CTNNBL1: variants seen among roughly 807,000 people sequenced by gnomAD.
CTNNBL1 encodes catenin beta like 1.
Under a neutral mutation model 72.7 loss-of-function variants are expected in CTNNBL1, and 31 were observed. That is an observed-to-expected ratio of 0.43 (90% CI 0.32 to 0.58). The LOEUF is 0.58. Ranked by LOEUF, CTNNBL1 falls within the 20% of genes least tolerant of loss-of-function variation. The probability of loss-of-function intolerance (pLI) is 0.08; values close to 1 mark genes in which losing one functional copy is unlikely to be tolerated. For missense variants in CTNNBL1, 534 were observed against 725.1 expected (o/e 0.74, Z 3.03); for synonymous variants, 240 against 267.3 (o/e 0.90, Z 1.00).
intron 9 of CTNNBL1, 34 bp from the exon 10 acceptor site, chr20:37,779,153 T>C (rs1027343997): frequency 1.2e-6 from 2 of 1,608,036 alleles, no homozygotes; most frequent in Non-Finnish European, 8.5e-7. Flanking sequence ...CATTCTCTTA[T>C]AGCTCTGTGC....
chr20:37,855,081 T>C (rs992607931), intron 13 of CTNNBL1, among the ~76,000 whole-genome samples: 1 of 143,908 alleles, frequency 6.9e-6, no homozygotes, highest in Non-Finnish European at 1.5e-5. Flanking sequence ...TAATATGATC[T>C]ACCGAAAGCT....
intron 1 of CTNNBL1, among the ~76,000 whole-genome samples, chr20:37,718,213 C>T (rs1477988122): frequency 3.3e-5 from 5 of 149,804 alleles, no homozygotes; most frequent in Admixed American, 6.6e-5. Context: ...ACCTCCGGGA[C>T]GGGGCGGCTG....
intron 11 of CTNNBL1, among the ~76,000 whole-genome samples, chr20:37,839,788 G>C (rs2072286564): frequency 2.0e-5 from 3 of 152,184 alleles, no homozygotes; most frequent in African/African-American, 7.2e-5. Context: ...CTGTAAAGGT[G>C]GGATTAGTTT....
intron 1 of CTNNBL1, chr20:37,694,933 C>T (rs1227413435): frequency 1.3e-5 from 2 of 152,236 alleles, no homozygotes; most frequent in Non-Finnish European, 2.9e-5. Context: ...ATAGGAGGGT[C>T]ATTGCGAGGA....
intron 3 of CTNNBL1, among the ~76,000 whole-genome samples, chr20:37,741,692 ACTGTTCATGG>A (rs1273571894): frequency 2.0e-5 from 3 of 152,232 alleles, no homozygotes; most frequent in Admixed American, 2.0e-4. Flanking sequence ...TTGTCAATTC[ACTGTTCATGG>A]CCACACCTCT....
At chr20:37,860,144 A>G (rs901679341) in intron 14 of CTNNBL1, 108 bp downstream of exon 14, 2 of 1,499,464 alleles carry the variant, frequency 1.3e-6, no homozygotes, top group Non-Finnish European at 1.9e-6. Flanking sequence ...CTCTCCTTGA[A>G]TTCCTTTACT....
At chr20:37,751,381 A>G (rs935557031) in intron 4 of CTNNBL1, 2 of 152,170 alleles carry the variant, frequency 1.3e-5, no homozygotes, top group Non-Finnish European at 2.9e-5. Flanking sequence ...GGCAGAGTAG[A>G]TCATTGTGCT....
chr20:37,706,400 T>A (rs924479897), intron 1 of CTNNBL1, among the ~76,000 whole-genome samples: 1 of 152,260 alleles, frequency 6.6e-6, no homozygotes. Context: ...TCTAAGTTCA[T>A]GTAATATTCT....
At chr20:37,785,725 G>T (rs2073667512) in intron 10 of CTNNBL1, among the ~76,000 whole-genome samples, 1 of 152,130 alleles carries the variant, frequency 6.6e-6, no homozygotes, top group Admixed American at 6.5e-5. Flanking sequence ...TCTCTGTCTT[G>T]CTGGCATTGT....
chr20:37,712,313 G>A (rs2072945214), intron 1 of CTNNBL1, among the ~76,000 whole-genome samples: 1 of 152,220 alleles, frequency 6.6e-6, no homozygotes, highest in Non-Finnish European at 1.5e-5. Flanking sequence ...GGACAATGCA[G>A]CTGACCCTCA....
At chr20:37,719,213 G>A (rs557641062) in intron 1 of CTNNBL1, among the ~76,000 whole-genome samples, 28 of 152,276 alleles carry the variant, frequency 1.8e-4, no homozygotes, top group African/African-American at 6.7e-4. Context: ...GAACTTGGAT[G>A]AATTCTGCTT....
intron 15 of CTNNBL1, among the ~76,000 whole-genome samples, chr20:37,864,675 G>A (rs2072522293): frequency 6.6e-6 from 1 of 152,170 alleles, no homozygotes; most frequent in South Asian, 2.1e-4. Context: ...GGACTGAGAC[G>A]GCCACAAAGA....
chr20:37,792,609 T>C (rs569474307), intron 10 of CTNNBL1, among the ~76,000 whole-genome samples: 26 of 152,362 alleles, frequency 1.7e-4, no homozygotes, highest in African/African-American at 5.8e-4. Flanking sequence ...TGGAGCATTT[T>C]GAATTTTAGA....
intron 1 of CTNNBL1, among the ~76,000 whole-genome samples, chr20:37,721,406 A>G (rs942464100): frequency 2.0e-5 from 3 of 152,224 alleles, no homozygotes; most frequent in African/African-American, 7.2e-5. Context: ...ACTTTAAGGT[A>G]CCCTGTGAGT....
chr20:37,808,630 A>G (rs895638048), intron 11 of CTNNBL1, among the ~76,000 whole-genome samples: 2 of 152,104 alleles, frequency 1.3e-5, no homozygotes, highest in Non-Finnish European at 2.9e-5. Context: ...TCGTTTTTGA[A>G]TAGATTGGCA....
chr20:37,815,515 A>G (rs1169428691), intron 11 of CTNNBL1, among the ~76,000 whole-genome samples: 1 of 151,894 alleles, frequency 6.6e-6, no homozygotes, highest in African/African-American at 2.4e-5. Flanking sequence ...ACGGGGTTTC[A>G]CCATGTTGGT....
At chr20:37,755,843 T>G (rs1222277909) in intron 4 of CTNNBL1, among the ~76,000 whole-genome samples, 1 of 152,244 alleles carries the variant, frequency 6.6e-6, no homozygotes, top group Non-Finnish European at 1.5e-5. Context: ...TACCCACACA[T>G]GCTGTCCACA....
intron 1 of CTNNBL1, among the ~76,000 whole-genome samples, chr20:37,706,870 T>C (rs2072890054): frequency 6.6e-6 from 1 of 152,220 alleles, no homozygotes; most frequent in Non-Finnish European, 1.5e-5. Context: ...AAAGTTGAAA[T>C]TACTCTTTGA....
chr20:37,836,351 G>A (rs1248639059), intron 11 of CTNNBL1, among the ~76,000 whole-genome samples: 3 of 152,200 alleles, frequency 2.0e-5, no homozygotes, highest in Admixed American at 1.3e-4. Flanking sequence ...CCTTGCCCCT[G>A]TTCTCCATGG....
Sources: gnomAD v4.1 joint callset for allele counts (sites outside exome capture counted in the v4.1 genomes callset) on GRCh38, gnomAD v4.1.1 for gene constraint, MANE v1.5 for transcripts, NCBI Gene and HGNC (gene_info 2026-07-23, HGNC 2026-07-21) for gene names.